The following MYL1 variants were observed in gnomAD, a reference collection of about 807,000 sequenced individuals.
MYL1 encodes the protein myosin light chain 1.
MYL1 carries 16 observed loss-of-function variants against 21.8 expected under a neutral mutation model. The ratio of observed to expected loss-of-function variants is 0.74; its 90% confidence interval spans 0.50 to 1.12. The LOEUF is 1.12. Ranked by LOEUF, MYL1 falls within the 50% of genes most tolerant of loss-of-function variation. MYL1 has a pLI of 0.00. For synonymous variants in MYL1, 99 were observed against 85.2 expected, an observed-to-expected ratio of 1.16 and a Z score of -0.89; for missense variants, 246 against 241.0, an observed-to-expected ratio of 1.02 and a Z score of -0.14.
Position 210,307,816 on chromosome 2 carries a change from A to T in MYL1, c.133-5301T>A, listed in dbSNP as rs73984384. The stretch of plus-strand genomic sequence containing the variant: ...ATTAAATTAACTAATTAAACATCAG[A>T]TAATGTATATATTAGGTTGGTGCAA... On this transcript the variant is annotated intron_variant, in intron 1 of 6. Coordinates refer to ENST00000352451, the MANE Select transcript of MYL1 (RefSeq NM_079420.3). Among the ~76,000 whole-genome samples, 452 of 152,318 alleles carry T rather than the reference A, an allele frequency of 3.0e-3. 2 individuals carry two copies. The highest frequency in any genetic ancestry group is 0.01 in the African/African-American group (435 of 41,582).
chr2:210,298,575 A>C lies in MYL1; in HGVS notation c.161-12T>G. On this transcript the variant is annotated splice_polypyrimidine_tract_variant and intron_variant, in intron 2 of 6. Transcript: ENST00000352451. ...TGCCTCCTTGAATTCTGCAAAAAGCAAGAAGCATTAGAGTGCTCTTTTCTT... is the reference window on the plus strand; with the variant it reads ...TGCCTCCTTGAATTCTGCAAAAAGCCAGAAGCATTAGAGTGCTCTTTTCTT... 1.2e-6 allele frequency: 2 copies of C among 1,613,778 alleles called. No homozygotes were observed. The highest frequency in any genetic ancestry group is 2.2e-5 in the South Asian group (2 of 91,076).
chr2:210,310,240 C>A (rs1257087562), intron 1 of MYL1, among the ~76,000 whole-genome samples: 1 of 152,030 alleles, frequency 6.6e-6, no homozygotes, highest in Non-Finnish European at 1.5e-5. Flanking sequence ...ACAACCTATA[C>A]ATATTTTTAC....
intron 2 of MYL1, 70 bp from the exon 3 acceptor site, chr2:210,298,633 A>G: frequency 6.4e-7 from 1 of 1,551,174 alleles, no homozygotes; most frequent in South Asian, 1.2e-5. Flanking sequence ...TAACCTTATC[A>G]AAAATTCAGT....
intron 1 of MYL1, among the ~76,000 whole-genome samples, chr2:210,312,022 A>G (rs756362559): frequency 6.6e-6 from 1 of 152,038 alleles, no homozygotes; most frequent in Non-Finnish European, 1.5e-5. Flanking sequence ...TAACTAACAA[A>G]CCAGGAAATC....
At chr2:210,314,077 A>G (rs1018043806) in intron 1 of MYL1, among the ~76,000 whole-genome samples, 2 of 152,116 alleles carry the variant, frequency 1.3e-5, no homozygotes, top group Admixed American at 6.6e-5. Context: ...AGACGTACCT[A>G]TTTTTCCAAA....
chr2:210,302,581 T>C, intron 1 of MYL1, 66 bp from the exon 2 acceptor site: 1 of 1,558,796 alleles, frequency 6.4e-7, no homozygotes, highest in Non-Finnish European at 8.7e-7. Context: ...TTTTTAGTTG[T>C]ATCCAGCTCA....
intron 2 of MYL1, among the ~76,000 whole-genome samples, chr2:210,299,505 G>A (rs1018892231): frequency 3.9e-5 from 6 of 152,152 alleles, no homozygotes; most frequent in African/African-American, 1.4e-4. Context: ...TATGTATTAA[G>A]TATACACAGC....
intron 3 of MYL1, 75 bp from the exon 4 acceptor site, chr2:210,294,493 G>A: frequency 3.7e-6 from 5 of 1,356,508 alleles, no homozygotes; most frequent in Non-Finnish European, 5.1e-6. Context: ...AACTTGAAAA[G>A]TTATTCTAGG....
At chr2:210,312,414 T>G (rs1190989544) in intron 1 of MYL1, among the ~76,000 whole-genome samples, 2 of 151,930 alleles carry the variant, frequency 1.3e-5, no homozygotes, top group African/African-American at 4.8e-5. Context: ...GAAAAAATTG[T>G]ATAGCTTTTA....
At chr2:210,291,143 G>A in intron 5 of MYL1, 69 bp from the exon 6 acceptor site, 1 of 1,228,962 alleles carries the variant, frequency 8.1e-7, no homozygotes, top group South Asian at 1.2e-5. Context: ...TAAAAGAGAG[G>A]TTTAATGAGT....
intron 2 of MYL1, among the ~76,000 whole-genome samples, chr2:210,299,099 G>A (rs1005132029): frequency 6.6e-6 from 1 of 152,154 alleles, no homozygotes; most frequent in Non-Finnish European, 1.5e-5. Flanking sequence ...TTAGAAAGGT[G>A]AGACAAATCT....
rs183738405 is a variant in MYL1, at chr2:210,308,945, G to T, written c.132+5966C>A. 4.5e-4 allele frequency among the ~76,000 whole-genome samples: 68 copies of T among 152,158 alleles called. 1 individual carries two copies. In the East Asian group the frequency reaches 6.2e-3, roughly 14 times the overall value. ...TTCTTCCTATTTGTCTGGAATAAAA[G>T]TTCCTTTTGTGACCGCAGGGATAAG... On this transcript the variant is annotated intron_variant, in intron 1 of 6. Coordinates refer to ENST00000352451, the MANE Select transcript of MYL1 (RefSeq NM_079420.3).
At chr2:210,296,565 G>A (rs1690177313) in intron 3 of MYL1, among the ~76,000 whole-genome samples, 1 of 152,052 alleles carries the variant, frequency 6.6e-6, no homozygotes. Context: ...GCGGGCAGAT[G>A]CTTGAGCTCA....
chr2:210,300,843 G>A (rs748155781), intron 2 of MYL1, among the ~76,000 whole-genome samples: 2 of 151,974 alleles, frequency 1.3e-5, no homozygotes, highest in Non-Finnish European at 2.9e-5. Flanking sequence ...GATTCCAATA[G>A]AGCAGCCATG....
chr2:210,302,627 C>A, intron 1 of MYL1, 112 bp from the exon 2 acceptor site: 1 of 1,485,218 alleles, frequency 6.7e-7, no homozygotes, highest in Non-Finnish European at 9.2e-7. Flanking sequence ...CTCCAAAAGT[C>A]AGCCTACTTT....
Position 210,298,375 on chromosome 2 carries a change from C to T in MYL1, c.304+45G>A, listed in dbSNP as rs746543186. 6.3e-6 allele frequency: 10 copies of T among 1,586,062 alleles called. No individual in the cohort carries two copies. The African/African-American group carries it at 8.1e-5, about 13-fold the overall frequency. Reference sequence around the variant, plus strand: ...ACACACACACACACACACTGCTACACACTTCCCTATACTTCCACACTTCTT... The same window carrying T: ...ACACACACACACACACACTGCTACATACTTCCCTATACTTCCACACTTCTT... On this transcript the variant is annotated intron_variant, in intron 3 of 6. Transcript: ENST00000352451.
intron 3 of MYL1, among the ~76,000 whole-genome samples, chr2:210,294,884 T>C (rs1413105781): frequency 6.6e-6 from 1 of 152,218 alleles, no homozygotes; most frequent in African/African-American, 2.4e-5. Context: ...AGTGGATTAA[T>C]ACAGTAAAAC....
intron 1 of MYL1, 26 bp from the exon 2 acceptor site, chr2:210,302,541 G>T: frequency 1.2e-6 from 2 of 1,605,202 alleles, no homozygotes; most frequent in Non-Finnish European, 1.7e-6. Flanking sequence ...TGACCACAAA[G>T]AATGTTTTAA....
chr2:210,294,264 G>A lies in MYL1; in HGVS notation c.459C>T (p.Arg153=), dbSNP rs2125738882. 1.2e-6 allele frequency: 2 copies of A among 1,612,534 alleles called. No individual in the cohort carries two copies. The highest frequency in any genetic ancestry group is 1.7e-6 in the Non-Finnish European group (2 of 1,179,372). The change falls in exon 4 of 7, where the codon CGC becomes CGT. Residue 153 remains arginine (R), a synonymous_variant. Transcript: ENST00000352451. The part of the protein sequence containing the change: ...GNGTVMGAEL[R]HVLATLGEKM... The stretch of plus-strand genomic sequence containing the variant: ...CCTTACCCAGGGTGGCTAGAACATG[G>A]CGGAGTTCAGCACCCATGACTGTGC...
Sources: allele counts gnomAD v4.1 joint callset (sites outside exome capture counted in the v4.1 genomes callset), GRCh38; gene constraint gnomAD v4.1.1; transcripts MANE v1.5; gene names NCBI Gene and HGNC (gene_info 2026-07-23, HGNC 2026-07-21).